ZNF676: variants seen among roughly 807,000 people sequenced by gnomAD.
The protein encoded by ZNF676 is zinc finger protein 676.
Under a neutral mutation model 6.0 loss-of-function variants are expected in ZNF676, and 4 were observed. The observed-to-expected ratio is 0.67, with a 90% CI of 0.33 to 1.53. The LOEUF is 1.53. Among genes scored for constraint, ZNF676 ranks in the 40% most tolerant of loss-of-function variants. The pLI, the probability that ZNF676 is intolerant of heterozygous loss-of-function variation, is 0.06. For synonymous variants in ZNF676, 198 were observed against 223.1 expected (o/e 0.89, Z 1.00); for missense variants, 644 against 679.7 (o/e 0.95, Z 0.58).
chr19:22,250,261 A>G, the ZNF676 span, among the ~76,000 whole-genome samples: 3 of 152,192 alleles, frequency 2.0e-5, no homozygotes, highest in Admixed American at 6.5e-5. Flanking sequence ...TCTCTTTTAA[A>G]CAAGATTTTT....
the ZNF676 span, among the ~76,000 whole-genome samples, chr19:22,246,392 G>T: frequency 6.6e-6 from 1 of 151,760 alleles, no homozygotes; most frequent in Non-Finnish European, 1.5e-5. Context: ...ACATTACCTG[G>T]GTACTTGCTC....
rs779299919 is a variant in ZNF676 at position 22,181,515 on chromosome 19, A to G, written c.202T>C (p.Leu68=). The G allele has an allele frequency of 7.4e-6, 12 of 1,611,704 alleles. No homozygotes were observed. Among genetic ancestry groups the G allele is most frequent in the Non-Finnish European group, 8.5e-6 (10 of 1,179,144 alleles). Residue 68 remains leucine (L), a synonymous_variant, in exon 3 of 3, where the codon TTG becomes CTG. Transcript: ENST00000397121. The part of the protein sequence containing the change: ...GIEDSFQKMI[L]RRYDKCGHEN... ...TGTCCACATTTGTCATATCTTCTCA[A>G]TATCATTTTTTGGAAAGAATCTTCT...
the ZNF676 span, chr19:22,259,884 A>T: frequency 2.0e-5 from 3 of 152,164 alleles, no homozygotes; most frequent in Non-Finnish European, 4.4e-5. Context: ...GAATCATATC[A>T]CCTTAGTTAT....
upstream of ZNF676, among the ~76,000 whole-genome samples, chr19:22,198,735 G>A (rs1432760548): frequency 1.3e-5 from 2 of 152,058 alleles, no homozygotes; most frequent in African/African-American, 4.8e-5. Flanking sequence ...GAAACAATGA[G>A]TAGCTCCACA....
chr19:22,179,598 C>A lies in ZNF676; in HGVS notation c.*352G>T. ...GGTTGAGAACTAATGAAAAGCTTTG[C>A]CACGTTTTTCACATTTGTAGGGCTT... On this transcript the variant is annotated 3_prime_UTR_variant, in exon 3 of 3. Coordinates refer to ENST00000397121, the MANE Select transcript of ZNF676 (RefSeq NM_001001411.3). The A allele has an allele frequency of 4.2e-6, 2 of 473,224 alleles. No individual in the cohort carries two copies. The highest frequency in any genetic ancestry group is 8.0e-6 in the Non-Finnish European group (2 of 250,284). 29.3% of individuals were successfully genotyped at this position (473,224 alleles called of 1,614,324 possible). A position where few individuals can be genotyped will look rare whatever the true frequency, so the allele number is the denominator to read the frequency against.
intron 2 of ZNF676, 57 bp downstream of exon 2, chr19:22,192,959 G>A: frequency 1.3e-6 from 2 of 1,519,106 alleles, no homozygotes; most frequent in Admixed American, 2.1e-5. Context: ...TTAAGGACTG[G>A]CTTCCTCATT....
intron 1 of ZNF676, among the ~76,000 whole-genome samples, chr19:22,194,713 T>G (rs923595720): frequency 6.6e-6 from 1 of 151,966 alleles, no homozygotes; most frequent in Non-Finnish European, 1.5e-5. Flanking sequence ...AATTTCATCA[T>G]AATAACACCC....
intron 1 of ZNF676, among the ~76,000 whole-genome samples, chr19:22,212,585 G>A (rs2024140582): frequency 6.6e-6 from 1 of 152,094 alleles, no homozygotes; most frequent in Non-Finnish European, 1.5e-5. Context: ...GGCACCTGTA[G>A]TCCCAGCTGC....
At chr19:22,197,449 G>C (rs937148538), upstream of ZNF676, among the ~76,000 whole-genome samples, 1 of 149,214 alleles carries the variant, frequency 6.7e-6, no homozygotes, top group Non-Finnish European at 1.5e-5. Flanking sequence ...CAATAAGCTA[G>C]AGATCCTGTT....
chr19:22,211,092 ATTCT>A (rs1181722650), intron 1 of ZNF676, among the ~76,000 whole-genome samples: 2 of 124,304 alleles, frequency 1.6e-5, no homozygotes, highest in Non-Finnish European at 3.3e-5. Flanking sequence ...CTCCTTTGGA[ATTCT>A]TTTTTTTTTT....
the ZNF676 span, among the ~76,000 whole-genome samples, chr19:22,228,520 G>T: frequency 6.6e-6 from 1 of 152,180 alleles, no homozygotes; most frequent in South Asian, 2.1e-4. Flanking sequence ...TCAGGCAAGA[G>T]AAAGAAATAA....
At chr19:22,226,851 G>A in the ZNF676 span, among the ~76,000 whole-genome samples, 4 of 151,858 alleles carry the variant, frequency 2.6e-5, no homozygotes, top group Non-Finnish European at 4.4e-5. Context: ...CACCTGCCTC[G>A]GCCTCCCAAA....
At chr19:22,211,659 T>C (rs2024130287) in intron 1 of ZNF676, among the ~76,000 whole-genome samples, 1 of 152,052 alleles carries the variant, frequency 6.6e-6, no homozygotes, top group Non-Finnish European at 1.5e-5. Context: ...TCACATAAAA[T>C]TTACCATTAA....
the ZNF676 span, among the ~76,000 whole-genome samples, chr19:22,240,444 A>G: frequency 6.6e-6 from 1 of 151,842 alleles, no homozygotes; most frequent in Admixed American, 6.6e-5. Flanking sequence ...CAGGCAGGAG[A>G]CTCACATCAC....
intron 2 of ZNF676, among the ~76,000 whole-genome samples, chr19:22,184,386 C>T (rs2023802956): frequency 6.6e-6 from 1 of 152,146 alleles, no homozygotes; most frequent in Non-Finnish European, 1.5e-5. Context: ...CCCTCTGGTG[C>T]CTATGACACC....
At chr19:22,222,748 C>T in the ZNF676 span, among the ~76,000 whole-genome samples, 4 of 152,138 alleles carry the variant, frequency 2.6e-5, no homozygotes, top group Admixed American at 1.3e-4. Context: ...AAAGCAGCTG[C>T]GTCTGCATAG....
Position 22,180,491 on chromosome 19 carries a change from A to C in ZNF676, c.1226T>G (p.Met409Arg), listed in dbSNP as rs1370521882. The C allele has an allele frequency of 1.1e-5, 18 of 1,600,086 alleles. No homozygotes were observed. The highest frequency in any genetic ancestry group is 1.4e-5 in the Non-Finnish European group (16 of 1,176,550). The change falls in exon 3 of 3, where the codon ATG becomes AGG. Residue 409 changes from methionine (M) to arginine (R), a missense_variant. Around this residue, in one of 5 missense-constraint regions of ZNF676, gnomAD observed 306 missense variants for 265.4 expected, o/e 1.15. Coordinates refer to ENST00000397121, the MANE Select transcript of ZNF676 (RefSeq NM_001001411.3). ...TCCAGTATGAATTCTCTTATGTTCC[A>C]TGAGCTTTGAGGATGAGTTGGAAGC... ...GKASNSSSKLMEHKRIHTGEK... is the reference protein window; with the variant it reads ...GKASNSSSKLREHKRIHTGEK...
chr19:22,180,940 G>A lies in ZNF676; in HGVS notation c.777C>T (p.Gly259=), dbSNP rs749800250. 5.6e-6 allele frequency: 9 copies of A among 1,600,300 alleles called. No homozygotes were observed. The East Asian group carries it at 1.8e-4, about 32-fold the overall frequency. The change falls in exon 3 of 3, where the codon GGC becomes GGT. Residue 259 remains glycine, a synonymous_variant. Transcript: ENST00000397121. ...GEKPYKCEEC[G]KGFSSVSTLN... is the part of the protein sequence containing the mutation. ...GGGTTGAGACGCTACTAAATCCTTT[G>A]CCACATTCTTCACATTTGTAGGGTT...
At chr19:22,207,998 CAA>C (rs1599718417) in intron 1 of ZNF676, among the ~76,000 whole-genome samples, 1 of 126,494 alleles carries the variant, frequency 7.9e-6, no homozygotes, top group East Asian at 2.4e-4. Context: ...AAAAAAAAAA[CAA>C]AAAACCCTGG....
Sources: allele counts gnomAD v4.1 joint callset (sites outside exome capture counted in the v4.1 genomes callset), GRCh38; gene constraint gnomAD v4.1.1; regional missense constraint gnomAD v4.1.1; transcripts MANE v1.5; gene names NCBI Gene and HGNC (gene_info 2026-07-23, HGNC 2026-07-21).